Variants in STXBP5 observed in about 807,000 individuals in gnomAD.
STXBP5 encodes syntaxin-binding protein 5.
A neutral mutation model predicts 152.4 loss-of-function variants in STXBP5; 50 were observed. That is an observed-to-expected ratio of 0.33 (90% confidence interval 0.26 to 0.42). The LOEUF (loss-of-function observed/expected upper bound fraction) is 0.42. Ranked by LOEUF, STXBP5 falls within the 10% of genes least tolerant of loss-of-function variation. The pLI is 1.00. For missense variants in STXBP5, 1,167 were observed against 1,388.6 expected (o/e 0.84, Z 2.54); for synonymous variants, 492 against 494.7 (o/e 0.99, Z 0.07).
chr6:147,362,913 C>T (rs1444713105), intron 23 of STXBP5, among the ~76,000 whole-genome samples: 1 of 152,166 alleles, frequency 6.6e-6, no homozygotes. Context: ...TTGGACAAGG[C>T]GCGTTCCCAG....
chr6:147,235,324 T>C lies in STXBP5; in HGVS notation c.323T>C (p.Ile108Thr). 6.2e-7 allele frequency: 1 copy of C among 1,612,264 alleles called. No individual in the cohort carries two copies. The highest frequency in any genetic ancestry group is 8.5e-7 in the Non-Finnish European group (1 of 1,178,848). ...GAAVIQLQFLINEGALVSALA... is the reference protein window; with the variant it reads ...GAAVIQLQFLTNEGALVSALA... ...GCAGTAATCCAGCTCCAGTTCCTGATTAATGAGGTTAGTGAATTGTTTTAA... is the reference window on the plus strand; with the variant it reads ...GCAGTAATCCAGCTCCAGTTCCTGACTAATGAGGTTAGTGAATTGTTTTAA... The change falls in exon 3 of 28, where the codon ATT (isoleucine) becomes ACT (threonine). Residue 108 changes from isoleucine (I) to threonine (T), a missense_variant. Transcript: ENST00000321680.
At chr6:147,332,419 T>C (rs1331048813) in intron 18 of STXBP5, among the ~76,000 whole-genome samples, 1 of 152,028 alleles carries the variant, frequency 6.6e-6, no homozygotes, top group Non-Finnish European at 1.5e-5. Context: ...TAAAATAGAG[T>C]GTCTAGATGA....
chr6:147,215,495 C>G (rs1777116419), intron 2 of STXBP5, among the ~76,000 whole-genome samples: 3 of 152,126 alleles, frequency 2.0e-5, no homozygotes, highest in African/African-American at 7.2e-5. Flanking sequence ...ATCCTCCCAC[C>G]TCAGTCCCCC....
rs750792927 is a variant in STXBP5 at position 147,339,280 on chromosome 6, T to C, written c.2206+42T>C. On this transcript the variant is annotated intron_variant, in intron 20 of 27. Coordinates refer to ENST00000321680, the MANE Select transcript of STXBP5 (RefSeq NM_001127715.4). ...TTAAAGTATTTTCTTTTATGTTTAATTTATTTAGTTTACTTTGACTAGATT... is the reference window on the plus strand; with the variant it reads ...TTAAAGTATTTTCTTTTATGTTTAACTTATTTAGTTTACTTTGACTAGATT... 6.0e-6 allele frequency: 9 copies of C among 1,509,342 alleles called. No individual in the cohort carries two copies. The South Asian group carries it at 1.2e-4, about 20-fold the overall frequency. 93.5% of individuals were successfully genotyped at this position (1,509,342 alleles called of 1,614,324 possible).
At position 147,388,380 on chromosome 6, in the gene STXBP5, ATTTGT is replaced by A. The variant is rs1331092817; in HGVS notation, c.*3629_*3633del. ...TCTTAAATTATTGCAACACTTTCAG[ATTTGT>A]TTTAAGATCATACAGTAACATGTTA... is the stretch of plus-strand genomic sequence containing the variant. On this transcript the variant is annotated 3_prime_UTR_variant, in exon 28 of 28. Coordinates refer to ENST00000321680, the MANE Select transcript of STXBP5 (RefSeq NM_001127715.4). 2 of 151,634 alleles carry A rather than the reference ATTTGT, an allele frequency of 1.3e-5. No individual in the cohort carries two copies. The highest frequency in any genetic ancestry group is 4.8e-5 in the African/African-American group (2 of 41,386). The allele number at this position is 151,634 out of a possible 1,614,324, so 9.4% of individuals were successfully genotyped here.
At chr6:147,244,004 A>G (rs1778677464) in intron 4 of STXBP5, among the ~76,000 whole-genome samples, 1 of 152,156 alleles carries the variant, frequency 6.6e-6, no homozygotes, top group Non-Finnish European at 1.5e-5. Flanking sequence ...AGCTTTTTGT[A>G]TCTATGGGAT....
rs556850094 is a variant in STXBP5, at chr6:147,314,035, T to C, written c.1293+4T>C. ...ACGTCAAGGTTACAGCAAAAAGGTA[T>C]TGAACATGAGCTTCAGTATTTAATG... is the stretch of plus-strand genomic sequence containing the variant. On this transcript the variant is annotated splice_donor_region_variant and intron_variant, in intron 12 of 27. Coordinates refer to ENST00000321680, the MANE Select transcript of STXBP5 (RefSeq NM_001127715.4). 3.2e-6 allele frequency: 5 copies of C among 1,578,682 alleles called. No individual in the cohort carries two copies. The East Asian group carries it at 6.8e-5, about 21-fold the overall frequency.
chr6:147,305,721 ATTAT>A (rs1366939738), intron 9 of STXBP5, among the ~76,000 whole-genome samples: 1 of 152,184 alleles, frequency 6.6e-6, no homozygotes, highest in East Asian at 1.9e-4. Flanking sequence ...AAAATCAATA[ATTAT>A]TTATTCATTC....
rs908164453 is a variant in STXBP5 at position 147,324,964 on chromosome 6, A to C, written c.1808A>C (p.Lys603Thr). 2.0e-6 allele frequency: 3 copies of C among 1,535,754 alleles called. No individual in the cohort carries two copies. The highest frequency in any genetic ancestry group is 2.6e-6 in the Non-Finnish European group (3 of 1,135,868). Residue 603 changes from lysine to threonine, a missense_variant, in exon 17 of 28, where the codon AAA becomes ACA. Transcript: ENST00000321680. ...CATGTTTTCTTTTATTTTAGAGTTA[A>C]AAACTCACCACTTAAACAGTCTCCA... The part of the protein sequence containing the change: ...LRDNVPCLKV[K>T]NSPLKQSPGY...
At chr6:147,304,999 A>T (rs1239124258) in intron 9 of STXBP5, among the ~76,000 whole-genome samples, 1 of 152,162 alleles carries the variant, frequency 6.6e-6, no homozygotes, top group Non-Finnish European at 1.5e-5. Flanking sequence ...CCTCAATAGC[A>T]TCCTCACATT....
At chr6:147,212,215 T>C (rs1776891906) in intron 2 of STXBP5, among the ~76,000 whole-genome samples, 1 of 152,236 alleles carries the variant, frequency 6.6e-6, no homozygotes, top group South Asian at 2.1e-4. Flanking sequence ...ACAAATGTGA[T>C]AGAAACCATG....
chr6:147,234,018 G>C (rs1250791793), intron 2 of STXBP5, among the ~76,000 whole-genome samples: 1 of 151,302 alleles, frequency 6.6e-6, no homozygotes, highest in Non-Finnish European at 1.5e-5. Flanking sequence ...TCTTGAAAAT[G>C]AATACCATCT....
chr6:147,358,936 AG>A (rs1410384641), intron 22 of STXBP5, 147 bp from the exon 23 acceptor site: 1 of 951,030 alleles, frequency 1.1e-6, no homozygotes, highest in Non-Finnish European at 1.5e-6. Flanking sequence ...ATGTTGTTCA[AG>A]GATCAACTAA....
Position 147,297,251 on chromosome 6 carries a change from C to T in STXBP5, c.917+6079C>T, listed in dbSNP as rs74518908. The stretch of plus-strand genomic sequence containing the variant: ...AAGGGTATCTTCATTAGATTATCAA[C>T]GGATTTCTCAGCAGAAGCCTTGCAG... On this transcript the variant is annotated intron_variant, in intron 9 of 27. Transcript: ENST00000321680. 7.2e-3 allele frequency among the ~76,000 whole-genome samples: 1,102 copies of T among 152,218 alleles called. 15 individuals carry two copies. Among genetic ancestry groups the T allele is most frequent in the African/African-American group, 0.025 (1,055 of 41,514 alleles).
rs1364064923 is a variant in STXBP5 at position 147,320,593 on chromosome 6, G to GTGTGTA, written c.1802+4187_1802+4188insGTGTAT. Among the ~76,000 whole-genome samples the GTGTGTA allele has an allele frequency of 1.3e-4, 19 of 149,528 alleles. 1 individual carries two copies. Among genetic ancestry groups the GTGTGTA allele is most frequent in the African/African-American group, 4.5e-4 (18 of 39,622 alleles). ...TGTGTGTGTGTGTGTGTGTGTGTGT[G>GTGTGTA]TACACATGCTTGATTTTTGTTTTTG... On this transcript the variant is annotated intron_variant, in intron 16 of 27. Transcript: ENST00000321680.
chr6:147,348,696 T>C (rs950956203), intron 21 of STXBP5, among the ~76,000 whole-genome samples: 2 of 152,190 alleles, frequency 1.3e-5, no homozygotes, highest in African/African-American at 4.8e-5. Flanking sequence ...TATAAAACTC[T>C]ATCCTAAGGA....
chr6:147,380,119 A>C (rs1231067793), intron 26 of STXBP5, among the ~76,000 whole-genome samples: 1 of 151,714 alleles, frequency 6.6e-6, no homozygotes, highest in African/African-American at 2.4e-5. Context: ...TTCAGAAAGC[A>C]GTAAGCTGTT....
rs545558287 is a variant in STXBP5 at position 147,289,446 on chromosome 6, T to G, written c.839-1648T>G. On this transcript the variant is annotated intron_variant, in intron 8 of 27. Transcript: ENST00000321680. ...GATATTTTAGGATTTCATATTTTCT[T>G]AAATTGCAACATATTAAGGCTGATA... 1.2e-4 allele frequency among the ~76,000 whole-genome samples: 18 copies of G among 152,338 alleles called. No homozygotes were observed. The South Asian group carries it at 1.9e-3, about 16-fold the overall frequency.
At chr6:147,352,563 A>T (rs922756429) in intron 21 of STXBP5, among the ~76,000 whole-genome samples, 1 of 151,536 alleles carries the variant, frequency 6.6e-6, no homozygotes, top group African/African-American at 2.4e-5. Flanking sequence ...GTGAACCGAG[A>T]TCACACCACT....
Sources: gnomAD v4.1 joint callset for allele counts (sites outside exome capture counted in the v4.1 genomes callset) on GRCh38, gnomAD v4.1.1 for gene constraint, MANE v1.5 for transcripts, NCBI Gene and HGNC (gene_info 2026-07-23, HGNC 2026-07-21) for gene names.